The following STK38L variants were observed in gnomAD, a reference collection of about 807,000 sequenced individuals.
The protein encoded by STK38L is serine/threonine-protein kinase 38-like.
STK38L carries 28 observed loss-of-function variants against 59.7 expected under a neutral mutation model. The observed-to-expected ratio is 0.47, with a 90% CI of 0.35 to 0.64. The LOEUF is 0.64. Ranked by LOEUF, STK38L falls within the 30% of genes least tolerant of loss-of-function variation. The probability of loss-of-function intolerance (pLI) is 0.01; values close to 1 mark genes in which losing one functional copy is unlikely to be tolerated. For synonymous variants in STK38L, 162 were observed against 176.8 expected, an observed-to-expected ratio of 0.92 and a Z score of 0.66; for missense variants, 314 against 555.8, an observed-to-expected ratio of 0.56 and a Z score of 4.37.
intron 1 of STK38L, among the ~76,000 whole-genome samples, chr12:27,258,538 A>G (rs1015262863): frequency 1.3e-5 from 2 of 152,222 alleles, no homozygotes; most frequent in Non-Finnish European, 2.9e-5. Flanking sequence ...CATGTTGGCA[A>G]GGCTGGTCTC....
chr12:27,291,372 C>G (rs1036401343), intron 1 of STK38L, among the ~76,000 whole-genome samples: 2 of 152,108 alleles, frequency 1.3e-5, no homozygotes, highest in African/African-American at 4.8e-5. Flanking sequence ...TACTATAGCC[C>G]CATCCCCTCC....
In STK38L at chr12:27,308,738, G is replaced by C. The variant is rs529099683; in HGVS notation, c.309+277G>C. On this transcript the variant is annotated intron_variant, in intron 4 of 13. Transcript: ENST00000389032. This position sits in a 1 kb window ranked among gnomAD's most constrained non-coding sequence, Gnocchi z 4.5. ...GGAGGCTGAGGCAGGAGAATCGCTT[G>C]AGCCCAGGAGGCAGAAGTTGCAGTG... Among the ~76,000 whole-genome samples, 2 of 151,550 alleles carry C rather than the reference G, an allele frequency of 1.3e-5. No individual in the cohort carries two copies. Among genetic ancestry groups the C allele is most frequent in the East Asian group, 3.9e-4 (2 of 5,184 alleles).
At chr12:27,297,620 C>CT in intron 1 of STK38L, 90 bp from the exon 2 acceptor site, 1 of 1,375,810 alleles carries the variant, frequency 7.3e-7, no homozygotes, top group Non-Finnish European at 9.7e-7. Context: ...TCGAATTTTT[C>CT]TTAGTTGAAA....
intron 1 of STK38L, among the ~76,000 whole-genome samples, chr12:27,292,182 A>C (rs781161928): frequency 3.3e-5 from 5 of 152,258 alleles, no homozygotes; most frequent in Non-Finnish European, 7.3e-5. Context: ...TAATAAAACA[A>C]AAAGAACAGT....
intron 1 of STK38L, among the ~76,000 whole-genome samples, chr12:27,248,889 G>C (rs1435911596): frequency 1.3e-5 from 2 of 152,212 alleles, no homozygotes; most frequent in Non-Finnish European, 2.9e-5. Flanking sequence ...AATTAATAGT[G>C]ATGGTATATC....
chr12:27,306,454 T>C (rs530759780), intron 3 of STK38L, among the ~76,000 whole-genome samples: 116 of 152,284 alleles, frequency 7.6e-4, no homozygotes, highest in African/African-American at 2.6e-3. Context: ...TCAGATACTT[T>C]TTAGAGCTCT....
chr12:27,264,177 T>C (rs573957479), intron 1 of STK38L, among the ~76,000 whole-genome samples: 1 of 152,244 alleles, frequency 6.6e-6, no homozygotes, highest in East Asian at 1.9e-4. Context: ...AGGAAAGCTT[T>C]AAAAGTTTTT....
At chr12:27,300,711 C>T (rs1047416613) in intron 2 of STK38L, 3 of 432,046 alleles carry the variant, frequency 6.9e-6, no homozygotes, top group African/African-American at 4.1e-5. Context: ...GTAATAAGCA[C>T]CAAGGTAGGT....
chr12:27,288,756 G>A (rs1039682181), intron 1 of STK38L, among the ~76,000 whole-genome samples: 27 of 150,416 alleles, frequency 1.8e-4, no homozygotes, highest in Admixed American at 5.3e-4. Flanking sequence ...TTTTCATTTT[G>A]TTTTACCTCT....
In STK38L at chr12:27,314,581, C is replaced by T; in HGVS notation, c.595C>T (p.Leu199=). The T allele has an allele frequency of 1.2e-6, 2 of 1,610,468 alleles. No homozygotes were observed. The highest frequency in any genetic ancestry group is 1.7e-6 in the Non-Finnish European group (2 of 1,178,468). Residue 199 remains leucine, a synonymous_variant, in exon 7 of 14, where the codon CTG becomes TTG. Coordinates refer to ENST00000389032, the MANE Select transcript of STK38L (RefSeq NM_015000.4). The part of the protein sequence containing the change: ...ETQFYISETV[L]AIDAIHQLGF... ...ACAGTTCTACATTTCAGAGACTGTT[C>T]TGGCAATAGATGCGATCCACCAGTT...
chr12:27,285,817 CTCTCT>C, intron 1 of STK38L, among the ~76,000 whole-genome samples: 1 of 152,202 alleles, frequency 6.6e-6, no homozygotes, highest in Non-Finnish European at 1.5e-5. Context: ...TATTTTGTCT[CTCTCT>C]TCTTTGTATG....
intron 3 of STK38L, among the ~76,000 whole-genome samples, chr12:27,303,431 T>C (rs1364677903): frequency 6.6e-6 from 1 of 152,146 alleles, no homozygotes; most frequent in Non-Finnish European, 1.5e-5. Context: ...CAAGGTACCT[T>C]CTGTATTCTA....
chr12:27,267,639 G>A (rs146034422), intron 1 of STK38L, among the ~76,000 whole-genome samples: 7,234 of 152,236 alleles, frequency 0.048, 561 homozygotes, highest in African/African-American at 0.16. Flanking sequence ...GCATGTGTGT[G>A]TTCAGCTCTA....
At position 27,253,765 on chromosome 12, in the gene STK38L, A is replaced by G. The variant is rs1359480628; in HGVS notation, c.-12+9433A>G. Among the ~76,000 whole-genome samples, 9 of 152,348 alleles carry G rather than the reference A, an allele frequency of 5.9e-5. No individual in the cohort carries two copies. The South Asian group carries it at 1.9e-3, about 32-fold the overall frequency. ...GGCCGAGAAGCCTCAGGCGGGTATT[A>G]TCACATAGTGATGTAAGACACGAAG... On this transcript the variant is annotated intron_variant, in intron 1 of 13. Coordinates refer to ENST00000389032, the MANE Select transcript of STK38L (RefSeq NM_015000.4).
intron 1 of STK38L, among the ~76,000 whole-genome samples, chr12:27,271,552 G>A (rs1050651348): frequency 4.6e-5 from 7 of 152,186 alleles, no homozygotes; most frequent in African/African-American, 1.4e-4. Context: ...AGTTAGTAGA[G>A]AATGGTTTTA....
intron 1 of STK38L, among the ~76,000 whole-genome samples, chr12:27,246,967 T>A (rs1437878242): frequency 6.6e-6 from 1 of 152,176 alleles, no homozygotes; most frequent in Non-Finnish European, 1.5e-5. Flanking sequence ...GAAATATACC[T>A]ACCCAAATAA....
intron 1 of STK38L, among the ~76,000 whole-genome samples, chr12:27,258,393 C>T (rs1488737516): frequency 2.6e-5 from 4 of 151,940 alleles, no homozygotes; most frequent in South Asian, 2.1e-4. Flanking sequence ...GGCATGATCT[C>T]GGCTCACTGC....
At chr12:27,254,315 A>G (rs1476858768) in intron 1 of STK38L, among the ~76,000 whole-genome samples, 1 of 152,110 alleles carries the variant, frequency 6.6e-6, no homozygotes, top group Non-Finnish European at 1.5e-5. Flanking sequence ...TCTCCTCTCT[A>G]CTCTAAGCCT....
In STK38L at chr12:27,322,525, T is replaced by C; in HGVS notation, c.*70T>C. 6.4e-7 allele frequency: 1 copy of C among 1,563,414 alleles called. No individual in the cohort carries two copies. The highest frequency in any genetic ancestry group is 1.2e-5 in the South Asian group (1 of 82,330). On this transcript the variant is annotated 3_prime_UTR_variant, in exon 14 of 14. Coordinates refer to ENST00000389032, the MANE Select transcript of STK38L (RefSeq NM_015000.4). ...CATCACCAGGCTTGCTTGGCGTAGA[T>C]AACAATACACTGAAATACTCCTGAA... is the stretch of plus-strand genomic sequence containing the variant.
Sources: gnomAD v4.1 joint callset for allele counts (sites outside exome capture counted in the v4.1 genomes callset) on GRCh38, gnomAD v4.1.1 for gene constraint, Gnocchi (gnomAD v3.1) non-coding constraint, MANE v1.5 for transcripts, NCBI Gene and HGNC (gene_info 2026-07-23, HGNC 2026-07-21) for gene names.